PITRM1: variants seen among roughly 807,000 people sequenced by gnomAD.
PITRM1 encodes the protein presequence protease, mitochondrial.
PITRM1 carries 100 observed loss-of-function variants against 129.9 expected under a neutral mutation model. That is an observed-to-expected ratio of 0.77 (90% confidence interval 0.65 to 0.91). The LOEUF (loss-of-function observed/expected upper bound fraction) is 0.91, where lower values mean the gene tolerates loss of function less well. Among genes scored for constraint, PITRM1 ranks in the 40% least tolerant of loss-of-function variants. The pLI is 0.00. For missense variants in PITRM1, 1,471 were observed against 1,318.3 expected (o/e 1.12, Z -1.79); for synonymous variants, 591 against 508.8 (o/e 1.16, Z -2.17).
chr10:3,159,198 A>G lies in PITRM1; in HGVS notation c.1008-156T>C, dbSNP rs573782166. On this transcript the variant is annotated intron_variant, in intron 9 of 26. Coordinates refer to ENST00000224949, the MANE Select transcript of PITRM1 (RefSeq NM_014889.4). ...TTATGAGCAGAAGAGAATTTTCCTT[A>G]AATACCGGGATTTTTGAAGGGGGGC... Among the ~76,000 whole-genome samples, 8 of 152,336 alleles carry G rather than the reference A, an allele frequency of 5.3e-5. No homozygotes were observed. The East Asian group carries it at 1.3e-3, about 26-fold the overall frequency.
At chr10:3,143,254 A>C in intron 23 of PITRM1, 135 bp downstream of exon 23, 1 of 630,412 alleles carries the variant, frequency 1.6e-6, no homozygotes, top group Non-Finnish European at 2.9e-6. Context: ...TCGTAGACTC[A>C]CACAGCCCCA....
rs1841112610 is a variant in PITRM1 at position 3,148,194 on chromosome 10, AGTC to A, written c.1966_1968del (p.Asp656del). ...ACCTGCTCGTAGGTGTCCATGTGTG[AGTC>A]GTCGGGGAGCACGTGGGGAGAAGCA... On this transcript the variant is annotated inframe_deletion, in exon 17 of 27. Coordinates refer to ENST00000224949, the MANE Select transcript of PITRM1 (RefSeq NM_014889.4). 3.7e-6 allele frequency: 6 copies of A among 1,613,954 alleles called. No individual in the cohort carries two copies. The highest frequency in any genetic ancestry group is 1.6e-4 in the Middle Eastern group (1 of 6,062).
chr10:3,145,373 C>T (rs369145053), intron 21 of PITRM1: 6 of 544,288 alleles, frequency 1.1e-5, no homozygotes, highest in Admixed American at 3.4e-5. Flanking sequence ...CAGAAGTGAG[C>T]GCGGGATCTA....
chr10:3,138,226 C>T lies in PITRM1; in HGVS notation c.3020+9G>A, dbSNP rs764731353. On this transcript the variant is annotated intron_variant, in intron 26 of 26. Transcript: ENST00000224949. ...GTCCCAGACGCTGTCTCCCCCGCTC[C>T]CCACTCACCTATCGCTCACGGCCAG... The T allele has an allele frequency of 6.0e-5, 96 of 1,607,018 alleles. No homozygotes were observed. The highest frequency in any genetic ancestry group is 7.7e-5 in the Non-Finnish European group (90 of 1,173,668).
intron 4 of PITRM1, among the ~76,000 whole-genome samples, chr10:3,165,967 G>A (rs187584775): frequency 1.1e-4 from 16 of 152,294 alleles, no homozygotes; most frequent in African/African-American, 3.1e-4. Context: ...GCATTGTAGC[G>A]ATATCTCCAA....
intron 19 of PITRM1, 97 bp downstream of exon 19, chr10:3,147,475 A>G (rs917815934): frequency 7.4e-7 from 1 of 1,359,758 alleles, no homozygotes; most frequent in East Asian, 2.3e-5. Context: ...GAAAGTTAGC[A>G]TTTCTGGGAC....
rs758812683 is a variant in PITRM1 at position 3,139,047 on chromosome 10, T to G, written c.2774A>C (p.Asp925Ala). The G allele has an allele frequency of 6.2e-7, 1 of 1,613,314 alleles. No homozygotes were observed. The highest frequency in any genetic ancestry group is 1.7e-5 in the Admixed American group (1 of 59,966). Residue 925 changes from aspartate to alanine, a missense_variant and splice_region_variant, in exon 25 of 27, where the codon GAC (aspartate) becomes GCC (alanine). Physicochemically the swap from Asp to Ala is moderately radical, Grantham distance 126. Coordinates refer to ENST00000224949, the MANE Select transcript of PITRM1 (RefSeq NM_014889.4). The part of the protein sequence containing the change: ...NGIFTLYSYR[D>A]PNTIETLQSF... ...CTGGAGCGTCTCTATTGTATTTGGG[T>G]CCCTAGGAAACCCAGAGAAATAAAC... is the stretch of plus-strand genomic sequence containing the variant.
chr10:3,143,674 G>A (rs940050310), intron 22 of PITRM1, 173 bp from the exon 23 acceptor site: 1 of 712,184 alleles, frequency 1.4e-6, no homozygotes, highest in African/African-American at 1.8e-5. Flanking sequence ...GCCAGGTGCT[G>A]GGGCGCGAGA....
Position 3,170,128 on chromosome 10 carries a change from C to G in PITRM1, c.135G>C (p.Lys45Asn), listed in dbSNP as rs1057244350. The G allele has an allele frequency of 6.2e-7, 1 of 1,613,738 alleles. No homozygotes were observed. Among genetic ancestry groups the G allele is most frequent in the East Asian group, 2.2e-5 (1 of 44,892 alleles). The change falls in exon 2 of 27, where the codon AAG (lysine) becomes AAC (asparagine). Residue 45 changes from lysine to asparagine, a missense_variant. By Grantham distance (94) the Lys-to-Asn change is moderately conservative. Coordinates refer to ENST00000224949, the MANE Select transcript of PITRM1 (RefSeq NM_014889.4). The stretch of plus-strand genomic sequence containing the variant: ...CCTGGTTTACGGTGAATCCATGGAT[C>G]TTGTCTCCTAGTTTATACTGCAGAG... The part of the protein sequence containing the change: ...ERALQYKLGD[K>N]IHGFTVNQVT...
intron 23 of PITRM1, 28 bp from the exon 24 acceptor site, chr10:3,140,840 T>C (rs1840115701): frequency 6.5e-7 from 1 of 1,537,492 alleles, no homozygotes; most frequent in Middle Eastern, 1.7e-4. Flanking sequence ...TGCAAGTTAA[T>C]ACCGTGGCTG....
At position 3,159,978 on chromosome 10, in the gene PITRM1, C is replaced by T. The variant is rs368922767; in HGVS notation, c.919-42G>A. 5.2e-5 allele frequency: 72 copies of T among 1,388,330 alleles called. 1 individual carries two copies. The East Asian group carries it at 6.7e-4, about 13-fold the overall frequency. 86.0% of individuals were successfully genotyped at this position (1,388,330 alleles called of 1,614,324 possible). ...CGTTGTGAGTAGGCACAGTGTCTGA[C>T]GGTTGTCAACTACTCTAGGTTATCT... is the stretch of plus-strand genomic sequence containing the variant. On this transcript the variant is annotated intron_variant, in intron 8 of 26. Transcript: ENST00000224949.
intron 13 of PITRM1, among the ~76,000 whole-genome samples, chr10:3,156,094 GAAGAT>G (rs1841961294): frequency 6.6e-6 from 1 of 152,184 alleles, no homozygotes; most frequent in Non-Finnish European, 1.5e-5. Flanking sequence ...TAGTCTAATT[GAAGAT>G]AATATAGAAT....
rs1216034634 is a variant in PITRM1, at chr10:3,165,546, T to C, written c.419-19A>G. ...TCACTAGCTGGGTACAAATGAAAAG[T>C]GAAATTGTAAAATATAACAGATTTC... On this transcript the variant is annotated intron_variant, in intron 4 of 26. Coordinates refer to ENST00000224949, the MANE Select transcript of PITRM1 (RefSeq NM_014889.4). 1.5e-6 allele frequency: 2 copies of C among 1,354,554 alleles called. No individual in the cohort carries two copies. The highest frequency in any genetic ancestry group is 1.7e-5 in the Admixed American group (1 of 57,460). The allele number at this position is 1,354,554 out of a possible 1,614,324, so 83.9% of individuals were successfully genotyped here. A position where few individuals can be genotyped will look rare whatever the true frequency, so the allele number is the denominator to read the frequency against.
intron 22 of PITRM1, chr10:3,143,771 G>A (rs1033120056): frequency 7.5e-6 from 5 of 668,276 alleles, no homozygotes; most frequent in Middle Eastern, 2.4e-4. Flanking sequence ...ATGCCTTAAC[G>A]TATACTGTTC....
At chr10:3,160,723 GGGACTACCA>G (rs1167747529) in intron 7 of PITRM1, among the ~76,000 whole-genome samples, 3 of 151,434 alleles carry the variant, frequency 2.0e-5, no homozygotes, top group Non-Finnish European at 4.4e-5. Flanking sequence ...CTCAGTAGCC[GGGACTACCA>G]GGACTACACC....
At chr10:3,165,028 G>A (rs1842742379) in intron 6 of PITRM1, among the ~76,000 whole-genome samples, 1 of 152,134 alleles carries the variant, frequency 6.6e-6, no homozygotes, top group African/African-American at 2.4e-5. Flanking sequence ...ACATACCAGG[G>A]GTCCCCAGAC....
At position 3,143,328 on chromosome 10, in the gene PITRM1, A is replaced by C; in HGVS notation, c.2645+61T>G. On this transcript the variant is annotated intron_variant, in intron 23 of 26. Coordinates refer to ENST00000224949, the MANE Select transcript of PITRM1 (RefSeq NM_014889.4). ...TAAAACACGCCCTGTGAACTCGAAC[A>C]GCCTTGACAAGCTCTTCCGTAAGGC... 5.7e-6 allele frequency: 6 copies of C among 1,061,748 alleles called. No homozygotes were observed. In the South Asian group the frequency reaches 7.6e-5, roughly 13 times the overall value. The allele number at this position is 1,061,748 out of a possible 1,614,324, so 65.8% of individuals were successfully genotyped here. A position where few individuals can be genotyped will look rare whatever the true frequency, so the allele number is the denominator to read the frequency against.
chr10:3,139,514 G>C (rs919145822), intron 24 of PITRM1, among the ~76,000 whole-genome samples: 8 of 151,864 alleles, frequency 5.3e-5, no homozygotes, highest in Non-Finnish European at 8.8e-5. Context: ...AAAGAGCCCA[G>C]CCCTCCCTTC....
chr10:3,166,382 T>TA lies in PITRM1; in HGVS notation c.267-3dup, dbSNP rs1842863711. ...ATGGGAGTAGTACGGAACTGCACGCTAGGGAAGGAGAATGACCAGAACGCA... is the reference window on the plus strand; with the variant it reads ...ATGGGAGTAGTACGGAACTGCACGCTAAGGGAAGGAGAATGACCAGAACGCA... On this transcript the variant is annotated splice_polypyrimidine_tract_variant and splice_region_variant and intron_variant, in intron 3 of 26. Transcript: ENST00000224949. The TA allele has an allele frequency of 6.6e-7, 1 of 1,513,624 alleles. No individual in the cohort carries two copies. The highest frequency in any genetic ancestry group is 1.4e-5 in the African/African-American group (1 of 72,716). The allele number at this position is 1,513,624 out of a possible 1,614,324, so 93.8% of individuals were successfully genotyped here. A position where few individuals can be genotyped will look rare whatever the true frequency, so the allele number is the denominator to read the frequency against.
Sources: allele counts gnomAD v4.1 joint callset (sites outside exome capture counted in the v4.1 genomes callset), GRCh38; gene constraint gnomAD v4.1.1; transcripts MANE v1.5; gene names NCBI Gene and HGNC (gene_info 2026-07-23, HGNC 2026-07-21).